TUSC3: variants seen among roughly 807,000 people sequenced by gnomAD.
The protein encoded by TUSC3 is tumor suppressor candidate 3, also known as dolichyl-diphosphooligosaccharide--protein glycosyltransferase subunit TUSC3.
TUSC3 carries 45 observed loss-of-function variants against 44.8 expected under a neutral mutation model. That is an observed-to-expected ratio of 1.00 (90% CI 0.79 to 1.29). TUSC3 has a LOEUF of 1.29. Ranked by LOEUF, TUSC3 falls within the 50% of genes most tolerant of loss-of-function variation. TUSC3 has a pLI of 0.00. For missense variants in TUSC3, 519 were observed against 437.9 expected (o/e 1.19, Z -1.65); for synonymous variants, 212 against 152.9 (o/e 1.39, Z -2.85).
chr8:15,763,146 C>A (rs980857594), intron 10 of TUSC3, among the ~76,000 whole-genome samples: 3 of 151,414 alleles, frequency 2.0e-5, no homozygotes, highest in Non-Finnish European at 2.9e-5. Context: ...ATATATATTT[C>A]ATGTTTTATA....
At chr8:15,566,226 A>C (rs904656671) in intron 1 of TUSC3, among the ~76,000 whole-genome samples, 1 of 152,148 alleles carries the variant, frequency 6.6e-6, no homozygotes. Context: ...ACTAAAACAT[A>C]GAATTCAGAA....
the TUSC3 span, among the ~76,000 whole-genome samples, chr8:15,799,522 C>G: frequency 1.3e-5 from 2 of 152,184 alleles, no homozygotes; most frequent in South Asian, 4.1e-4. Flanking sequence ...TTTGAACCTG[C>G]TTCCTGGTAT....
chr8:15,806,216 G>A, the TUSC3 span: 10 of 520,736 alleles, frequency 1.9e-5, no homozygotes, highest in Admixed American at 2.3e-4. Context: ...TTTTATAAAT[G>A]GCTTCAATAA....
At chr8:15,776,924 G>A in the TUSC3 span, among the ~76,000 whole-genome samples, 1 of 106,608 alleles carries the variant, frequency 9.4e-6, no homozygotes, top group Non-Finnish European at 1.8e-5. Flanking sequence ...ACACTGTCAT[G>A]TGTTCATTCA....
At chr8:15,831,031 C>G in the TUSC3 span, among the ~76,000 whole-genome samples, 14,945 of 152,174 alleles carry the variant, frequency 0.098, 863 homozygotes, top group East Asian at 0.25. Flanking sequence ...AAATGCTTTG[C>G]TGTCACCACC....
chr8:15,708,801 T>G (rs1020852100), intron 6 of TUSC3, among the ~76,000 whole-genome samples: 32 of 151,876 alleles, frequency 2.1e-4, no homozygotes, highest in Non-Finnish European at 8.8e-5. Flanking sequence ...ATGATACTGA[T>G]AAAAGTGAAA....
At chr8:15,424,704 C>T (rs538121243) in intron 1 of TUSC3, among the ~76,000 whole-genome samples, 3 of 152,150 alleles carry the variant, frequency 2.0e-5, no homozygotes, top group East Asian at 2.0e-4. Context: ...CACGGTGAAA[C>T]CCCGTCTCTA....
chr8:15,668,721 A>G (rs1807792148), intron 5 of TUSC3, among the ~76,000 whole-genome samples: 1 of 151,816 alleles, frequency 6.6e-6, no homozygotes, highest in East Asian at 1.9e-4. Flanking sequence ...ATTAACTGCA[A>G]CAAATATCTG....
intron 2 of TUSC3, among the ~76,000 whole-genome samples, chr8:15,644,313 T>C (rs2129172937): frequency 6.6e-6 from 1 of 152,302 alleles, no homozygotes; most frequent in South Asian, 2.1e-4. Flanking sequence ...CATAAGTATA[T>C]ATTAGAATTT....
At chr8:15,535,510 T>C (rs911261619), upstream of TUSC3, among the ~76,000 whole-genome samples, 5 of 152,180 alleles carry the variant, frequency 3.3e-5, no homozygotes, top group African/African-American at 9.6e-5. Flanking sequence ...GCTTACATTC[T>C]AATGGGAAAA....
At chr8:15,665,298 G>A (rs1807610622) in intron 5 of TUSC3, among the ~76,000 whole-genome samples, 1 of 151,370 alleles carries the variant, frequency 6.6e-6, no homozygotes, top group Non-Finnish European at 1.5e-5. Flanking sequence ...TGAGAGAAAT[G>A]TCTGGTACAG....
the TUSC3 span, among the ~76,000 whole-genome samples, chr8:15,826,023 G>A: frequency 0.14 from 21,310 of 151,648 alleles, 1,657 homozygotes; most frequent in East Asian, 0.25. Context: ...AGCTGCTACT[G>A]AAGTGTTATC....
At chr8:15,801,051 T>C in the TUSC3 span, among the ~76,000 whole-genome samples, 1 of 152,132 alleles carries the variant, frequency 6.6e-6, no homozygotes, top group African/African-American at 2.4e-5. Flanking sequence ...CAAGAAAGAA[T>C]TCAGGGTGAG....
intron 5 of TUSC3, among the ~76,000 whole-genome samples, chr8:15,669,049 T>C (rs1053804302): frequency 1.3e-5 from 2 of 151,762 alleles, no homozygotes; most frequent in African/African-American, 4.8e-5. Flanking sequence ...TGGAAAACCT[T>C]CAGTGGTTGA....
intron 1 of TUSC3, among the ~76,000 whole-genome samples, chr8:15,570,863 C>T (rs1300895488): frequency 6.6e-6 from 1 of 150,376 alleles, no homozygotes; most frequent in African/African-American, 2.4e-5. Context: ...GGAAGTGCAG[C>T]ATGAAGCTGC....
chr8:15,645,519 C>A (rs1024645004), intron 2 of TUSC3, among the ~76,000 whole-genome samples: 1 of 152,070 alleles, frequency 6.6e-6, no homozygotes, highest in Non-Finnish European at 1.5e-5. Context: ...CTACATTCCT[C>A]TTTAAAATAT....
the TUSC3 span, among the ~76,000 whole-genome samples, chr8:15,798,316 G>A: frequency 6.6e-6 from 1 of 152,108 alleles, no homozygotes; most frequent in African/African-American, 2.4e-5. Context: ...TCTTTCACGG[G>A]TCTGCATAGG....
At chr8:15,447,361 A>C (rs997885722) in intron 1 of TUSC3, among the ~76,000 whole-genome samples, 1 of 152,188 alleles carries the variant, frequency 6.6e-6, no homozygotes, top group Admixed American at 6.5e-5. Context: ...AAAGACAAAA[A>C]TTAAAAATAA....
intron 1 of TUSC3, among the ~76,000 whole-genome samples, chr8:15,617,144 T>TTA (rs1805030081): frequency 3.5e-4 from 3 of 8,606 alleles, no homozygotes; most frequent in South Asian, 1.2e-3. Context: ...ATATATTTTT[T>TTA]TTTTTTTTTT....
Sources: gnomAD v4.1 joint callset for allele counts (sites outside exome capture counted in the v4.1 genomes callset) on GRCh38, gnomAD v4.1.1 for gene constraint, MANE v1.5 for transcripts, NCBI Gene and HGNC (gene_info 2026-07-23, HGNC 2026-07-21) for gene names.